Variants in PPP2R2B observed in about 807,000 individuals in gnomAD.
PPP2R2B encodes the protein protein phosphatase 2 regulatory subunit Bbeta, also known as serine/threonine-protein phosphatase 2A 55 kDa regulatory subunit B beta isoform.
PPP2R2B carries 5 observed loss-of-function variants against 46.0 expected under a neutral mutation model. The ratio of observed to expected loss-of-function variants is 0.11; its 90% CI spans 0.06 to 0.23. The LOEUF is 0.23. Ranked by LOEUF, PPP2R2B falls within the 10% of genes least tolerant of loss-of-function variation. The pLI is 1.00. For synonymous variants in PPP2R2B, 215 were observed against 206.7 expected (o/e 1.04, Z -0.34); for missense variants, 367 against 575.0 (o/e 0.64, Z 3.70).
rs938765338 is a variant in PPP2R2B at position 146,877,632 on chromosome 5, G to A, written c.70+370C>T. 5.3e-5 allele frequency among the ~76,000 whole-genome samples: 8 copies of A among 151,994 alleles called. No individual in the cohort carries two copies. The South Asian group carries it at 8.3e-4, about 16-fold the overall frequency. On this transcript the variant is annotated intron_variant, in intron 2 of 9. Transcript: ENST00000394411. ...AACATCGTTTCGCTCAGGGAGGGGG[G>A]ACCAAGGTCCTACTGGGCCCCTCCC...
At chr5:146,599,383 T>TATCTA (rs1357003540) in intron 8 of PPP2R2B, among the ~76,000 whole-genome samples, 2 of 152,204 alleles carry the variant, frequency 1.3e-5, no homozygotes, top group African/African-American at 4.8e-5. Context: ...CATCTCCTCT[T>TATCTA]ATCTAAATTG....
chr5:146,764,228 G>T (rs1177017043), intron 2 of PPP2R2B, among the ~76,000 whole-genome samples: 1 of 152,088 alleles, frequency 6.6e-6, no homozygotes, highest in Non-Finnish European at 1.5e-5. Context: ...GTCTGGAGGG[G>T]GGTGGGCAGG....
intron 2 of PPP2R2B, among the ~76,000 whole-genome samples, chr5:147,075,202 A>G (rs1349900829): frequency 1.3e-5 from 2 of 152,212 alleles, no homozygotes; most frequent in South Asian, 2.1e-4. Flanking sequence ...ATTTCATGCA[A>G]TGAAATCATA....
intron 1 of PPP2R2B, among the ~76,000 whole-genome samples, chr5:147,043,340 G>A (rs1191287752): frequency 6.6e-6 from 1 of 152,052 alleles, no homozygotes; most frequent in Non-Finnish European, 1.5e-5. Flanking sequence ...GTTAAATGAG[G>A]TTATTAGGGG....
intron 7 of PPP2R2B, among the ~76,000 whole-genome samples, chr5:146,622,829 G>A (rs1044919977): frequency 6.6e-6 from 1 of 152,196 alleles, no homozygotes; most frequent in African/African-American, 2.4e-5. Context: ...TATCTTTAAA[G>A]TAGCTTATAT....
intron 2 of PPP2R2B, among the ~76,000 whole-genome samples, chr5:147,072,151 C>T (rs532685622): frequency 6.6e-6 from 1 of 152,284 alleles, no homozygotes; most frequent in South Asian, 2.1e-4. Context: ...CCTTAATCTC[C>T]TCATATCTAT....
In PPP2R2B at chr5:146,588,795, C is replaced by CTGT. The variant is rs1033213964; in HGVS notation, c.*1149_*1151dup. 19 of 152,326 alleles carry CTGT rather than the reference C, an allele frequency of 1.2e-4. No homozygotes were observed. The highest frequency in any genetic ancestry group is 4.6e-4 in the African/African-American group (19 of 41,580). The allele number at this position is 152,326 out of a possible 1,614,324, so 9.4% of individuals were successfully genotyped here. ...TTTCTGTAGAAGAGAGCCTTCTGGT[C>CTGT]TGTTTTTCCAGATGGCGAGCTTGGG... On this transcript the variant is annotated 3_prime_UTR_variant, in exon 10 of 10. Coordinates refer to ENST00000394411, the MANE Select transcript of PPP2R2B (RefSeq NM_181675.4).
At chr5:147,021,681 A>C (rs544265956) in intron 1 of PPP2R2B, among the ~76,000 whole-genome samples, 1 of 152,322 alleles carries the variant, frequency 6.6e-6, no homozygotes, top group African/African-American at 2.4e-5. Context: ...AGGCCTTAAA[A>C]GGAGCATGAT....
At chr5:146,624,662 G>A (rs763942486) in intron 7 of PPP2R2B, among the ~76,000 whole-genome samples, 5 of 152,098 alleles carry the variant, frequency 3.3e-5, no homozygotes, top group Non-Finnish European at 7.3e-5. Flanking sequence ...AAGCCCTCCT[G>A]GATTTTCTCT....
intron 2 of PPP2R2B, among the ~76,000 whole-genome samples, chr5:146,811,664 A>G (rs1453783357): frequency 1.4e-5 from 2 of 145,298 alleles, no homozygotes; most frequent in Non-Finnish European, 3.0e-5. Context: ...GGGTTCAAGC[A>G]GTTCTCCTGC....
Position 146,779,050 on chromosome 5 carries a change from A to G in PPP2R2B, c.71-77908T>C, listed in dbSNP as rs974148441. On this transcript the variant is annotated intron_variant, in intron 2 of 9. Coordinates refer to ENST00000394411, the MANE Select transcript of PPP2R2B (RefSeq NM_181675.4). ...GCAGTTAGAAACAACAACAACAAAA[A>G]TGCCATTTGATTCGTGGGCTGAGCC... is the stretch of plus-strand genomic sequence containing the variant. Among the ~76,000 whole-genome samples, 3 of 152,194 alleles carry G rather than the reference A, an allele frequency of 2.0e-5. No individual in the cohort carries two copies. The South Asian group carries it at 6.2e-4, about 32-fold the overall frequency.
chr5:146,811,849 G>A (rs1757572565), intron 2 of PPP2R2B, among the ~76,000 whole-genome samples: 1 of 151,300 alleles, frequency 6.6e-6, no homozygotes, highest in South Asian at 2.1e-4. Flanking sequence ...TTACAGGTGT[G>A]AGCCACCGTG....
chr5:146,716,750 C>A (rs955434534), intron 2 of PPP2R2B, among the ~76,000 whole-genome samples: 1 of 152,114 alleles, frequency 6.6e-6, no homozygotes, highest in Non-Finnish European at 1.5e-5. Context: ...GAAAATTATT[C>A]TCTTCTAGAA....
At chr5:146,934,473 A>G (rs1582455460) in intron 1 of PPP2R2B, among the ~76,000 whole-genome samples, 1 of 149,622 alleles carries the variant, frequency 6.7e-6, no homozygotes, top group East Asian at 2.0e-4. Flanking sequence ...GGCTGCATAA[A>G]TGTCTTCTTT....
intron 4 of PPP2R2B, among the ~76,000 whole-genome samples, chr5:146,695,743 G>A (rs995044626): frequency 3.3e-5 from 5 of 151,974 alleles, no homozygotes; most frequent in African/African-American, 1.2e-4. Context: ...GTTTATCATC[G>A]CTTGTGGCAG....
chr5:146,601,368 G>A (rs573456163), intron 7 of PPP2R2B, among the ~76,000 whole-genome samples: 16 of 152,140 alleles, frequency 1.1e-4, no homozygotes, highest in East Asian at 7.7e-4. Flanking sequence ...AGGCCTAGGC[G>A]GGAAGATCAC....
chr5:146,851,456 G>A (rs1760346316), intron 2 of PPP2R2B, among the ~76,000 whole-genome samples: 1 of 152,100 alleles, frequency 6.6e-6, no homozygotes, highest in Admixed American at 6.6e-5. Context: ...AAGAGATCCT[G>A]TTCCATGTGA....
Position 146,786,419 on chromosome 5 carries a change from C to A in PPP2R2B, c.71-85277G>T, listed in dbSNP as rs141979103. Among the ~76,000 whole-genome samples the A allele has an allele frequency of 1.4e-3, 209 of 152,234 alleles. 2 individuals carry two copies. The highest frequency in any genetic ancestry group is 1.2e-3 in the Non-Finnish European group (79 of 68,012). Reference sequence around the variant, plus strand: ...CCAGGTGCCAATTATGAAGTTGGCACCTTCCTGATTATCCCACATCCTGAT... The same window carrying A: ...CCAGGTGCCAATTATGAAGTTGGCAACTTCCTGATTATCCCACATCCTGAT... On this transcript the variant is annotated intron_variant, in intron 2 of 9. Coordinates refer to ENST00000394411, the MANE Select transcript of PPP2R2B (RefSeq NM_181675.4).
intron 1 of PPP2R2B, among the ~76,000 whole-genome samples, chr5:147,020,266 C>T (rs1755198950): frequency 6.6e-6 from 1 of 151,912 alleles, no homozygotes; most frequent in Non-Finnish European, 1.5e-5. Context: ...CTCAGAGTTC[C>T]TTGTACCATT....
Sources: gnomAD v4.1 joint callset for allele counts (sites outside exome capture counted in the v4.1 genomes callset) on GRCh38, gnomAD v4.1.1 for gene constraint, MANE v1.5 for transcripts, NCBI Gene and HGNC (gene_info 2026-07-23, HGNC 2026-07-21) for gene names.